The following HDGFL2 variants were observed in gnomAD, a reference collection of about 807,000 sequenced individuals.
The protein encoded by HDGFL2 is hepatoma-derived growth factor-related protein 2.
HDGFL2 carries 36 observed loss-of-function variants against 77.1 expected under a neutral mutation model. The observed-to-expected ratio is 0.47, with a 90% confidence interval of 0.36 to 0.62. HDGFL2 has a LOEUF of 0.62. Ranked by LOEUF, HDGFL2 falls within the 20% of genes least tolerant of loss-of-function variation. The pLI is 0.00. For missense variants in HDGFL2, 976 were observed against 973.4 expected (o/e 1.00, Z -0.04); for synonymous variants, 463 against 413.1 (o/e 1.12, Z -1.46).
intron 3 of HDGFL2, among the ~76,000 whole-genome samples, chr19:4,479,306 G>A (rs372562875): frequency 6.6e-6 from 1 of 151,400 alleles, no homozygotes; most frequent in Non-Finnish European, 1.5e-5. Flanking sequence ...AAATTAGGCC[G>A]GGTGCCGTGG....
intron 4 of HDGFL2, among the ~76,000 whole-genome samples, chr19:4,491,261 ACCCCCCCACCCCCCCAC>A (rs1347167394): frequency 4.4e-5 from 1 of 22,698 alleles, no homozygotes; most frequent in Non-Finnish European, 8.6e-5. Context: ...CCACCCCCCC[ACCCCCCCACCCCCCCAC>A]CCCCCCCGGC....
intron 14 of HDGFL2, 55 bp from the exon 15 acceptor site, chr19:4,501,136 C>T (rs1568219745): frequency 6.2e-6 from 10 of 1,608,350 alleles, no homozygotes; most frequent in African/African-American, 1.3e-5. Flanking sequence ...GGCAAGGGTT[C>T]TGGGGTGCCC....
In HDGFL2 at chr19:4,491,646, G is replaced by A. The variant is rs754070016; in HGVS notation, c.570G>A (p.Ser190=). ...ASVSPSEEEN[S]ESSSESEKTS... Reference sequence around the variant, plus strand: ...TGTCCCCATCCGAAGAGGAGAACTCGGAAAGCTCATCTGAGTCGGAGAAGA... The same window carrying A: ...TGTCCCCATCCGAAGAGGAGAACTCAGAAAGCTCATCTGAGTCGGAGAAGA... The change falls in exon 5 of 16, where the codon TCG becomes TCA. Residue 190 remains serine, a synonymous_variant. Transcript: ENST00000616600. 44 of 1,613,956 alleles carry A rather than the reference G, an allele frequency of 2.7e-5. No homozygotes were observed. In the East Asian group the frequency reaches 4.7e-4, roughly 17 times the overall value.
At chr19:4,478,116 A>G (rs954803485) in intron 3 of HDGFL2, among the ~76,000 whole-genome samples, 1 of 148,164 alleles carries the variant, frequency 6.7e-6, no homozygotes, top group Non-Finnish European at 1.5e-5. Flanking sequence ...TTCCTGGGCC[A>G]TTTTCCTAGA....
At chr19:4,498,204 C>A in intron 11 of HDGFL2, 102 bp from the exon 12 acceptor site, 1 of 1,263,034 alleles carries the variant, frequency 7.9e-7, no homozygotes, top group Non-Finnish European at 1.1e-6. Context: ...GACCTGGGGC[C>A]CCCATGACAA....
chr19:4,477,269 G>T (rs1321968595), intron 3 of HDGFL2, among the ~76,000 whole-genome samples: 1 of 152,194 alleles, frequency 6.6e-6, no homozygotes, highest in Non-Finnish European at 1.5e-5. Flanking sequence ...GTCAGGCACA[G>T]TCCTTGCCTT....
chr19:4,480,761 C>T (rs552121542), intron 3 of HDGFL2, among the ~76,000 whole-genome samples: 7 of 152,102 alleles, frequency 4.6e-5, no homozygotes, highest in African/African-American at 1.2e-4. Context: ...GTTGTATGAG[C>T]GGGTGGACCT....
At chr19:4,492,366 TC>T (rs1207693149) in intron 6 of HDGFL2, among the ~76,000 whole-genome samples, 1 of 151,742 alleles carries the variant, frequency 6.6e-6, no homozygotes. Context: ...GGTGCCTGTG[TC>T]CCTGTGCCTG....
In HDGFL2 at chr19:4,498,895, G is replaced by C; in HGVS notation, c.1555G>C (p.Val519Leu). 1.2e-6 allele frequency: 2 copies of C among 1,610,464 alleles called. No homozygotes were observed. Among genetic ancestry groups the C allele is most frequent in the Non-Finnish European group, 8.5e-7 (1 of 1,178,040 alleles). The change falls in exon 13 of 16, where the codon GTG becomes CTG. Residue 519 changes from valine to leucine, a missense_variant. Around this residue, in one of 5 missense-constraint regions of HDGFL2, gnomAD observed 46 missense variants for 81.3 expected, o/e 0.57. Transcript: ENST00000616600. ...TSQILQKNTD[V>L]VATLKKIRRY... ...TCAGATCCTCCAGAAGAACACAGAC[G>C]TGGTGGCCACCTTGAAGAAGGTATG...
intron 13 of HDGFL2, 68 bp downstream of exon 13, chr19:4,498,983 C>A: frequency 9.2e-7 from 1 of 1,091,610 alleles, no homozygotes; most frequent in Non-Finnish European, 1.4e-6. Context: ...TGCCCGGGAG[C>A]CCAGGCCCCC....
At chr19:4,491,246 A>G (rs989139515) in intron 4 of HDGFL2, among the ~76,000 whole-genome samples, 1 of 27,224 alleles carries the variant, frequency 3.7e-5, no homozygotes, top group Non-Finnish European at 7.6e-5. Context: ...ACTCACTCCC[A>G]CCACCCACCC....
chr19:4,496,868 A>AT, intron 10 of HDGFL2: 1 of 337,522 alleles, frequency 3.0e-6, no homozygotes, highest in South Asian at 2.0e-5. Flanking sequence ...CTCCCAGCTC[A>AT]CTTTTTTTTT....
intron 3 of HDGFL2, among the ~76,000 whole-genome samples, chr19:4,483,313 G>A (rs763467111): frequency 7.9e-5 from 12 of 152,250 alleles, no homozygotes; most frequent in Non-Finnish European, 1.6e-4. Context: ...GCGCACGGAG[G>A]CTGGTGTGCG....
chr19:4,494,079 C>A, intron 8 of HDGFL2, 22 bp downstream of exon 8: 1 of 1,565,952 alleles, frequency 6.4e-7, no homozygotes, highest in South Asian at 1.2e-5. Flanking sequence ...GGCTGGGGTC[C>A]CCTCTGGCGG....
Position 4,491,825 on chromosome 19 carries a change from G to T in HDGFL2, c.668G>T (p.Arg223Leu), listed in dbSNP as rs371705151. 137 of 1,613,402 alleles carry T rather than the reference G, an allele frequency of 8.5e-5. 1 individual carries two copies. In the South Asian group the frequency reaches 1.4e-3, roughly 17 times the overall value. ...RAPRRGPLGG[R>L]KKKKAPSASD... ...CCACGGAGGGGCCCTCTGGGGGGAC[G>T]GAAAAAAAAGGTAGCGTGCACTTGA... Residue 223 changes from arginine to leucine, a missense_variant, in exon 6 of 16, where the codon CGG (arginine) becomes CTG (leucine). Transcript: ENST00000616600.
chr19:4,493,145 C>CTGTGTGGTGTGTGTTGTCTG (rs1175375405), intron 6 of HDGFL2, among the ~76,000 whole-genome samples: 10 of 84,628 alleles, frequency 1.2e-4, no homozygotes, highest in Non-Finnish European at 4.5e-5. Flanking sequence ...TTATCTGTGT[C>CTGTGTGGTGTGTGTTGTCTG]TGTGTGGTGT....
chr19:4,494,265 G>A lies in HDGFL2; in HGVS notation c.1014G>A (p.Glu338=). 2 of 1,456,448 alleles carry A rather than the reference G, an allele frequency of 1.4e-6. No homozygotes were observed. The highest frequency in any genetic ancestry group is 1.8e-6 in the Non-Finnish European group (2 of 1,108,812). The allele number at this position is 1,456,448 out of a possible 1,614,324, so 90.2% of individuals were successfully genotyped here. ...GGCGGCGGCGAGAGCAGGAGGAGGA[G>A]CTGCGGCGCCTGCGGGAGCAGGAGA... The part of the protein sequence containing the change: ...EARRRREQEE[E]LRRLREQEKE... Residue 338 remains glutamate (E), a synonymous_variant, in exon 9 of 16, where the codon GAG becomes GAA. Transcript: ENST00000616600.
intron 3 of HDGFL2, among the ~76,000 whole-genome samples, chr19:4,482,102 G>A (rs1472807628): frequency 7.4e-6 from 1 of 134,620 alleles, no homozygotes; most frequent in Non-Finnish European, 1.5e-5. Context: ...GCGCGATCTC[G>A]GTTCACTGCA....
chr19:4,502,004 G>T lies in HDGFL2; in HGVS notation c.2010G>T (p.Glu670Asp). 1 of 1,520,098 alleles carries T rather than the reference G, an allele frequency of 6.6e-7. No individual in the cohort carries two copies. Among genetic ancestry groups the T allele is most frequent in the South Asian group, 1.2e-5 (1 of 80,356 alleles). 94.2% of individuals were successfully genotyped at this position (1,520,098 alleles called of 1,614,324 possible). A position where few individuals can be genotyped will look rare whatever the true frequency, so the allele number is the denominator to read the frequency against. Residue 670 changes from glutamate to aspartate, a missense_variant, in exon 16 of 16, where the codon GAG (glutamate) becomes GAT (aspartate). Glu to Asp is a conservative substitution (Grantham distance 45). Around this residue, in one of 5 missense-constraint regions of HDGFL2, gnomAD observed 229 missense variants for 187.3 expected, o/e 1.22. Coordinates refer to ENST00000616600, the MANE Select transcript of HDGFL2 (RefSeq NM_001001520.3). ...GGGACTCGGAGGCCCTGGACGAGGA[G>T]AGCTGAGCCGCGGGCAGCCAGGCCC... Reference protein sequence around the residue: ...ARGDSEALDEES With the variant: ...ARGDSEALDEDS
Sources: allele counts gnomAD v4.1 joint callset (sites outside exome capture counted in the v4.1 genomes callset), GRCh38; gene constraint gnomAD v4.1.1; regional missense constraint gnomAD v4.1.1; transcripts MANE v1.5; gene names NCBI Gene and HGNC (gene_info 2026-07-23, HGNC 2026-07-21).